Variants in LUZP1 observed in about 807,000 individuals in gnomAD.
LUZP1 encodes the protein filamin mechanobinding actin cross-linking protein.
A neutral mutation model predicts 71.3 loss-of-function variants in LUZP1; 25 were observed. The observed-to-expected ratio is 0.35, with a 90% CI of 0.26 to 0.49. The LOEUF (loss-of-function observed/expected upper bound fraction) is 0.49, where lower values mean the gene tolerates loss of function less well. Ranked by LOEUF, LUZP1 falls within the 20% of genes least tolerant of loss-of-function variation. The probability of loss-of-function intolerance (pLI) is 0.99; values close to 1 mark genes in which losing one functional copy is unlikely to be tolerated. For missense variants in LUZP1, 1,142 were observed against 1,300.8 expected (o/e 0.88, Z 1.88); for synonymous variants, 481 against 506.4 (o/e 0.95, Z 0.67).
intron 2 of LUZP1, among the ~76,000 whole-genome samples, chr1:23,159,065 G>A (rs1339021073): frequency 4.6e-5 from 7 of 152,000 alleles, no homozygotes; most frequent in African/African-American, 1.7e-4. Flanking sequence ...TACTGGCCAG[G>A]CACGGTGGCT....
intron 3 of LUZP1, among the ~76,000 whole-genome samples, chr1:23,105,476 T>A (rs1643973045): frequency 1.3e-5 from 2 of 152,260 alleles, no homozygotes; most frequent in Non-Finnish European, 2.9e-5. Context: ...AGCTACTAGC[T>A]GTGTGACCTT....
chr1:23,171,080 C>G (rs1055616093), intron 1 of LUZP1, among the ~76,000 whole-genome samples: 3 of 144,552 alleles, frequency 2.1e-5, no homozygotes, highest in Non-Finnish European at 4.5e-5. Flanking sequence ...CAGATCGAGA[C>G]CCTGTCTCAA....
chr1:23,133,039 C>G (rs1038525718), intron 2 of LUZP1, among the ~76,000 whole-genome samples: 3 of 152,174 alleles, frequency 2.0e-5, no homozygotes, highest in Admixed American at 2.0e-4. Flanking sequence ...GGGCAAAAGC[C>G]TAGACTAGGT....
Position 23,093,564 on chromosome 1 carries a change from G to A in LUZP1, c.698C>T (p.Ser233Phe), listed in dbSNP as rs1226225628. 6.2e-7 allele frequency: 1 copy of A among 1,613,820 alleles called. No individual in the cohort carries two copies. The highest frequency in any genetic ancestry group is 1.7e-5 in the Admixed American group (1 of 59,982). The change falls in exon 4 of 5, where the codon TCT becomes TTT. Residue 233 changes from serine (S) to phenylalanine (F), a missense_variant. Coordinates refer to ENST00000302291, the Ensembl canonical transcript of LUZP1. This position sits in a 1 kb window ranked among gnomAD's most constrained non-coding sequence, Gnocchi z 4.2. ...CCGTAGGTCATTTCTTTCCAGATTA[G>A]AAGCATTCCTTGTATAATCTCGGTT...
chr1:23,139,037 T>C (rs1011254434), intron 2 of LUZP1, among the ~76,000 whole-genome samples: 5 of 124,696 alleles, frequency 4.0e-5, no homozygotes, highest in African/African-American at 1.2e-4. Context: ...TATATATATA[T>C]ATATATATAC....
exon 5 of LUZP1, chr1:23,084,379 T>A (rs1167967843): frequency 6.6e-6 from 1 of 152,092 alleles, no homozygotes; most frequent in African/African-American, 2.4e-5. Flanking sequence ...TAACTCCAGT[T>A]TCTGCTTCCA....
intron 2 of LUZP1, among the ~76,000 whole-genome samples, chr1:23,138,697 GTATATATATA>G (rs59486855): frequency 5.0e-4 from 68 of 135,980 alleles, no homozygotes; most frequent in Middle Eastern, 3.7e-3. Flanking sequence ...GTGTGTGTGT[GTATATATATA>G]TATATATAAA....
chr1:23,091,956 A>G, exon 4 of LUZP1: 1 of 1,614,058 alleles, frequency 6.2e-7, no homozygotes, highest in Non-Finnish European at 8.5e-7. Context: ...AGATCCTCCC[A>G]TGATTTTTTT....
intron 2 of LUZP1, among the ~76,000 whole-genome samples, chr1:23,158,930 C>G (rs1644442125): frequency 7.0e-6 from 1 of 142,624 alleles, no homozygotes; most frequent in African/African-American, 2.6e-5. Context: ...GAGCAAGACT[C>G]CATCTCAAAA....
chr1:23,144,236 C>T (rs1196167906), intron 2 of LUZP1, among the ~76,000 whole-genome samples: 1 of 152,048 alleles, frequency 6.6e-6, no homozygotes, highest in Admixed American at 6.5e-5. Flanking sequence ...ATCTTTTCAT[C>T]GAAGAGATGG....
At chr1:23,141,904 C>T (rs560637313) in intron 2 of LUZP1, among the ~76,000 whole-genome samples, 1 of 150,616 alleles carries the variant, frequency 6.6e-6, no homozygotes, top group African/African-American at 2.4e-5. Context: ...AGTGCAATGG[C>T]GCCATCTCCG....
exon 4 of LUZP1, chr1:23,091,567 T>A: frequency 1.2e-6 from 2 of 1,614,204 alleles, no homozygotes; most frequent in Non-Finnish European, 1.7e-6. Flanking sequence ...TTCCACCTGA[T>A]TGTCTCCGCT....
chr1:23,169,228 G>T (rs1331710793), intron 1 of LUZP1, among the ~76,000 whole-genome samples: 3 of 152,072 alleles, frequency 2.0e-5, no homozygotes, highest in Non-Finnish European at 4.4e-5. Context: ...GAGTGGTGGC[G>T]CCCGCCGGTA....
chr1:23,173,273 T>TA (rs1254612025), intron 1 of LUZP1, among the ~76,000 whole-genome samples: 1 of 148,278 alleles, frequency 6.7e-6, no homozygotes, highest in Non-Finnish European at 1.5e-5. Flanking sequence ...AATAAATAAA[T>TA]AAAAAAGAGC....
chr1:23,132,556 G>T (rs1021871630), intron 2 of LUZP1, among the ~76,000 whole-genome samples: 6 of 151,588 alleles, frequency 4.0e-5, no homozygotes, highest in African/African-American at 1.5e-4. Flanking sequence ...GAGAAATCTG[G>T]AGACATCTGA....
At chr1:23,165,980 A>G (rs1328408559) in intron 2 of LUZP1, among the ~76,000 whole-genome samples, 2 of 151,864 alleles carry the variant, frequency 1.3e-5, no homozygotes, top group Non-Finnish European at 2.9e-5. Flanking sequence ...AGAAATAAGT[A>G]AGCACCTAGA....
At chr1:23,156,130 C>G (rs1254494354) in intron 2 of LUZP1, among the ~76,000 whole-genome samples, 1 of 152,180 alleles carries the variant, frequency 6.6e-6, no homozygotes, top group Non-Finnish European at 1.5e-5. Context: ...CCTGTAATCC[C>G]AGCACTTTGG....
intron 2 of LUZP1, among the ~76,000 whole-genome samples, chr1:23,111,938 T>C (rs1483745625): frequency 6.6e-6 from 1 of 152,178 alleles, no homozygotes; most frequent in Admixed American, 6.5e-5. Context: ...CTAACAGTGA[T>C]AGCAGCGCCC....
chr1:23,168,588 C>G (rs1325433758), intron 2 of LUZP1, among the ~76,000 whole-genome samples, 178 bp downstream of exon 1: 1 of 146,216 alleles, frequency 6.8e-6, no homozygotes, highest in Non-Finnish European at 1.5e-5. Context: ...AGCCCTTCCT[C>G]CAAAATCCAT....
Sources: allele counts gnomAD v4.1 joint callset (sites outside exome capture counted in the v4.1 genomes callset), GRCh38; gene constraint gnomAD v4.1.1; non-coding constraint Gnocchi (gnomAD v3.1); transcripts MANE v1.5; gene names NCBI Gene and HGNC (gene_info 2026-07-23, HGNC 2026-07-21).